Variants in ANKRD26 observed in about 807,000 individuals in gnomAD.
ANKRD26 encodes the protein ankyrin repeat domain 26.
ANKRD26 carries 141 observed loss-of-function variants against 208.7 expected under a neutral mutation model. The observed-to-expected ratio is 0.68, with a 90% CI of 0.59 to 0.78. The LOEUF is 0.78. Ranked by LOEUF, ANKRD26 falls within the 30% of genes least tolerant of loss-of-function variation. ANKRD26 has a pLI of 0.00. For synonymous variants in ANKRD26, 636 were observed against 660.4 expected, an observed-to-expected ratio of 0.96 and a Z score of 0.57; for missense variants, 1,889 against 1,938.7, an observed-to-expected ratio of 0.97 and a Z score of 0.48.
chr10:27,077,076 G>A, intron 9 of ANKRD26: 1 of 487,498 alleles, frequency 2.1e-6, no homozygotes, highest in South Asian at 2.4e-5. Flanking sequence ...TATCTCTGAT[G>A]AATATAGATA....
intron 5 of ANKRD26, among the ~76,000 whole-genome samples, chr10:26,994,834 A>T (rs1030153219): frequency 1.3e-5 from 2 of 152,338 alleles, no homozygotes; most frequent in East Asian, 3.9e-4. Context: ...ACCCAAATGC[A>T]GAGCAGCTGT....
chr10:27,029,856 C>T (rs1192121830), intron 25 of ANKRD26, among the ~76,000 whole-genome samples: 3 of 152,044 alleles, frequency 2.0e-5, no homozygotes, highest in Non-Finnish European at 4.4e-5. Context: ...ACTGAGAGGC[C>T]GTATCCACAC....
intron 23 of ANKRD26, among the ~76,000 whole-genome samples, chr10:27,036,397 T>C (rs1452930294): frequency 2.0e-5 from 3 of 152,064 alleles, no homozygotes; most frequent in African/African-American, 7.2e-5. Context: ...TGACTCTATT[T>C]ATAGTGTTCT....
chr10:26,949,155 T>G, the ANKRD26 span, among the ~76,000 whole-genome samples: 1 of 152,222 alleles, frequency 6.6e-6, no homozygotes. Context: ...AATGGTTTAA[T>G]GAACCTAATT....
intron 16 of ANKRD26, chr10:27,051,289 G>A (rs987662787): frequency 8.5e-6 from 11 of 1,288,126 alleles, no homozygotes; most frequent in Non-Finnish European, 1.1e-5. Context: ...AACAAGTTCT[G>A]TATTGGTTTT....
intron 9 of ANKRD26, chr10:27,076,962 G>C: frequency 5.3e-6 from 1 of 189,688 alleles, no homozygotes; most frequent in Non-Finnish European, 1.1e-5. Context: ...TACTCCAAAA[G>C]GTTGAGAAGG....
chr10:27,028,738 C>T (rs2053763361), intron 27 of ANKRD26, 114 bp downstream of exon 27: 1 of 864,438 alleles, frequency 1.2e-6, no homozygotes. Flanking sequence ...AAAAAAAAAT[C>T]CAAAATCTGA....
chr10:26,986,872 C>T (rs2134646082), intron 3 of ANKRD26, among the ~76,000 whole-genome samples: 1 of 152,340 alleles, frequency 6.6e-6, no homozygotes, highest in East Asian at 1.9e-4. Flanking sequence ...GTCAATGTGG[C>T]AATTCCTCAG....
chr10:26,967,876 C>G, the ANKRD26 span, among the ~76,000 whole-genome samples: 1 of 152,160 alleles, frequency 6.6e-6, no homozygotes, highest in South Asian at 2.1e-4. Context: ...ACTCTTCTAC[C>G]TTACTTCTGG....
chr10:26,987,083 T>C (rs1429101812), downstream of ANKRD26, among the ~76,000 whole-genome samples: 1 of 152,146 alleles, frequency 6.6e-6, no homozygotes, highest in African/African-American at 2.4e-5. Flanking sequence ...ATATACACCA[T>C]GGAATACTAT....
rs543761115 is a variant in ANKRD26, at chr10:27,038,016, G to C, written c.2414C>G (p.Ala805Gly). 16 of 1,611,532 alleles carry C rather than the reference G, an allele frequency of 9.9e-6. No individual in the cohort carries two copies. The African/African-American group carries it at 1.6e-4, about 16-fold the overall frequency. ...CCTAATTTTTTCATACAACGTATCAGCATTTCTTCTCTTCTCTTCTTCTTG... is the reference window on the plus strand; with the variant it reads ...CCTAATTTTTTCATACAACGTATCACCATTTCTTCTCTTCTCTTCTTCTTG... ...LNQEEEKRRN[A>G]DTLYEKIREQ... Residue 805 changes from alanine to glycine, a missense_variant, in exon 22 of 34, where the codon GCT becomes GGT. This residue lies in a region of ANKRD26 where 1,272 missense variants were observed against 1,273.8 expected (regional missense o/e 1.00). Coordinates refer to ENST00000376087, the MANE Select transcript of ANKRD26 (RefSeq NM_014915.3).
At chr10:26,972,100 TGGC>T (rs1375388848), downstream of ANKRD26, among the ~76,000 whole-genome samples, 1 of 151,580 alleles carries the variant, frequency 6.6e-6, no homozygotes, top group African/African-American at 2.4e-5. Flanking sequence ...CCAGGCGTGG[TGGC>T]GGGCGCCTGT....
intron 5 of ANKRD26, among the ~76,000 whole-genome samples, chr10:26,976,669 A>AT (rs953121891): frequency 2.3e-4 from 35 of 149,314 alleles, no homozygotes; most frequent in Admixed American, 3.3e-4. Flanking sequence ...TAGCACTTCA[A>AT]TTTTTTTTTT....
At chr10:26,960,091 G>A in the ANKRD26 span, among the ~76,000 whole-genome samples, 1 of 151,876 alleles carries the variant, frequency 6.6e-6, no homozygotes, top group Non-Finnish European at 1.5e-5. Flanking sequence ...GAGCCCATGA[G>A]TTGGAGGCGA....
intron 1 of ANKRD26, among the ~76,000 whole-genome samples, chr10:27,095,023 A>G (rs2056422508): frequency 6.6e-6 from 1 of 151,918 alleles, no homozygotes; most frequent in Non-Finnish European, 1.5e-5. Flanking sequence ...AAAATTAGAG[A>G]TAACACAGTA....
intron 23 of ANKRD26, 65 bp from the exon 24 acceptor site, chr10:27,035,817 A>T: frequency 8.8e-7 from 1 of 1,138,150 alleles, no homozygotes; most frequent in Non-Finnish European, 1.3e-6. Context: ...ATTTCCTCTG[A>T]AATTAAAGAA....
chr10:27,061,877 C>T (rs1452686496), intron 12 of ANKRD26: 15 of 935,966 alleles, frequency 1.6e-5, no homozygotes, highest in Non-Finnish European at 1.8e-5. Context: ...CAACATATAT[C>T]TTTGATGTCT....
chr10:27,007,051 G>T (rs565674418), intron 32 of ANKRD26, 89 bp from the exon 33 acceptor site: 2 of 907,312 alleles, frequency 2.2e-6, no homozygotes, highest in Non-Finnish European at 3.6e-6. Flanking sequence ...AATGTGGCCT[G>T]TAATACTCTT....
chr10:27,043,782 T>C (rs1051811111), intron 19 of ANKRD26, among the ~76,000 whole-genome samples: 1 of 152,160 alleles, frequency 6.6e-6, no homozygotes, highest in Non-Finnish European at 1.5e-5. Flanking sequence ...TTTTTTTTAA[T>C]TTCATGTTTT....
Sources: allele counts gnomAD v4.1 joint callset (sites outside exome capture counted in the v4.1 genomes callset), GRCh38; gene constraint gnomAD v4.1.1; regional missense constraint gnomAD v4.1.1; transcripts MANE v1.5; gene names NCBI Gene and HGNC (gene_info 2026-07-23, HGNC 2026-07-21).